MKLN1: variants seen among roughly 807,000 people sequenced by gnomAD.
MKLN1 encodes the protein muskelin 1.
A neutral mutation model predicts 99.0 loss-of-function variants in MKLN1; 18 were observed. That is an observed-to-expected ratio of 0.18 (90% CI 0.13 to 0.27). The LOEUF is 0.27. Among genes scored for constraint, MKLN1 ranks in the 10% least tolerant of loss-of-function variants. The pLI is 1.00. For missense variants in MKLN1, 621 were observed against 875.9 expected, an observed-to-expected ratio of 0.71 and a Z score of 3.67; for synonymous variants, 288 against 293.2, an observed-to-expected ratio of 0.98 and a Z score of 0.18.
At chr7:131,472,947 C>CAAAAA (rs34420594) in intron 16 of MKLN1, among the ~76,000 whole-genome samples, 3 of 81,138 alleles carry the variant, frequency 3.7e-5, no homozygotes, top group Admixed American at 1.3e-4. Context: ...GATTCCATCT[C>CAAAAA]AAAAAAAAAA....
chr7:131,293,145 T>A (rs1798246159), intron 3 of MKLN1, among the ~76,000 whole-genome samples: 1 of 152,186 alleles, frequency 6.6e-6, no homozygotes, highest in African/African-American at 2.4e-5. Context: ...AGACCCTGCC[T>A]TTTCCATGAG....
intron 3 of MKLN1, among the ~76,000 whole-genome samples, chr7:131,298,510 A>AT (rs1798328461): frequency 6.6e-6 from 1 of 152,162 alleles, no homozygotes; most frequent in Non-Finnish European, 1.5e-5. Context: ...TCCATTAGTC[A>AT]TTTCACAGCT....
chr7:131,262,303 G>A (rs575425979), intron 3 of MKLN1, among the ~76,000 whole-genome samples: 2 of 151,812 alleles, frequency 1.3e-5, no homozygotes, highest in Non-Finnish European at 2.9e-5. Flanking sequence ...TGGTCGTGGT[G>A]GCGTGCGACT....
In MKLN1 at chr7:131,152,690, G is replaced by C. The variant is rs564981025; in HGVS notation, c.-297+9749G>C. Among the ~76,000 whole-genome samples, 197 of 151,754 alleles carry C rather than the reference G, an allele frequency of 1.3e-3. 1 individual carries two copies. The highest frequency in any genetic ancestry group is 4.6e-3 in the African/African-American group (191 of 41,398). On this transcript the variant is annotated intron_variant, in intron 2 of 7. Transcript: ENST00000416992. ...AATTTTTATATTTTTAGTACAGACAGGGTTTCACCATGTTGGCCAGGGTGC... is the reference window on the plus strand; with the variant it reads ...AATTTTTATATTTTTAGTACAGACACGGTTTCACCATGTTGGCCAGGGTGC...
rs201007222 is a variant in MKLN1, at chr7:131,400,522, T to A, written c.703+1089T>A. ...AAATGCTACCAATAAAAAAAAAATA[T>A]ATATATATATATATATATGCCATTT... On this transcript the variant is annotated intron_variant, in intron 6 of 17. Transcript: ENST00000352689. 3.1e-3 allele frequency among the ~76,000 whole-genome samples: 448 copies of A among 145,148 alleles called. 1 individual carries two copies. The highest frequency in any genetic ancestry group is 0.018 in the East Asian group (90 of 4,924).
At chr7:131,333,818 A>G (rs1296534541) in intron 1 of MKLN1, among the ~76,000 whole-genome samples, 1 of 152,178 alleles carries the variant, frequency 6.6e-6, no homozygotes, top group East Asian at 1.9e-4. Flanking sequence ...GATTACAGCC[A>G]CCACACCCAG....
At chr7:131,414,496 G>A (rs966162999) in intron 7 of MKLN1, 149 bp from the exon 8 acceptor site, 33 of 487,584 alleles carry the variant, frequency 6.8e-5, no homozygotes, top group South Asian at 1.7e-4. Flanking sequence ...GAGTCATACT[G>A]TTACTTTTAT....
chr7:131,266,304 G>A (rs1039244120), intron 3 of MKLN1, among the ~76,000 whole-genome samples: 2 of 151,826 alleles, frequency 1.3e-5, no homozygotes, highest in African/African-American at 4.8e-5. Context: ...TCTTGCAATA[G>A]TTGTGGGCAA....
chr7:131,464,290 G>T lies in MKLN1; in HGVS notation c.1674-4G>T. On this transcript the variant is annotated splice_polypyrimidine_tract_variant and splice_region_variant and intron_variant, in intron 13 of 17. Coordinates refer to ENST00000352689, the MANE Select transcript of MKLN1 (RefSeq NM_013255.5). ...TAGAATGCCTTAAAAGCAATGTCTTGCAGGTCTTGTGTCTATAAGAATGAT... is the reference window on the plus strand; with the variant it reads ...TAGAATGCCTTAAAAGCAATGTCTTTCAGGTCTTGTGTCTATAAGAATGAT... 1 of 1,569,702 alleles carries T rather than the reference G, an allele frequency of 6.4e-7. No individual in the cohort carries two copies. The highest frequency in any genetic ancestry group is 8.8e-7 in the Non-Finnish European group (1 of 1,141,182).
At chr7:131,414,012 G>A (rs1794948445) in intron 7 of MKLN1, among the ~76,000 whole-genome samples, 2 of 152,096 alleles carry the variant, frequency 1.3e-5, no homozygotes, top group African/African-American at 4.8e-5. Flanking sequence ...TCCTCAGTCA[G>A]TTCTTACATA....
intron 2 of MKLN1, among the ~76,000 whole-genome samples, chr7:131,152,088 T>C (rs1795896145): frequency 6.6e-6 from 1 of 152,174 alleles, no homozygotes; most frequent in African/African-American, 2.4e-5. Flanking sequence ...TTTCAGAGGC[T>C]GGGGCAGGAG....
At chr7:131,210,569 G>A (rs1796885754) in intron 3 of MKLN1, among the ~76,000 whole-genome samples, 1 of 142,472 alleles carries the variant, frequency 7.0e-6, no homozygotes, top group South Asian at 2.4e-4. Flanking sequence ...CAGGCATGGT[G>A]GTGCACACCT....
rs190270717 is a variant in MKLN1 at position 131,471,087 on chromosome 7, C to A, written c.2031+143C>A. ...CAGTAATCTTTAAAATGTCACAGAG[C>A]AGGTGAAATAAAAATTGAATAGGCA... On this transcript the variant is annotated intron_variant, in intron 16 of 17. Coordinates refer to ENST00000352689, the MANE Select transcript of MKLN1 (RefSeq NM_013255.5). 1.3e-4 allele frequency: 73 copies of A among 582,558 alleles called. No individual in the cohort carries two copies. The Admixed American group carries it at 1.7e-3, about 14-fold the overall frequency. 36.1% of individuals were successfully genotyped at this position (582,558 alleles called of 1,614,324 possible).
At chr7:131,280,835 A>T (rs1010375477) in intron 3 of MKLN1, among the ~76,000 whole-genome samples, 1 of 151,988 alleles carries the variant, frequency 6.6e-6, no homozygotes, top group African/African-American at 2.4e-5. Context: ...TTTTTAGTAG[A>T]GACAGGGTTT....
At position 131,487,664 on chromosome 7, in the gene MKLN1, T is replaced by A. The variant is rs767899117; in HGVS notation, c.2144T>A (p.Val715Glu). Reference sequence around the variant, plus strand: ...AGAACTCAGCTCTTTGACACCTTAGTAAATTTCTTTCCTGACAGCATGACT... The same window carrying A: ...AGAACTCAGCTCTTTGACACCTTAGAAAATTTCTTTCCTGACAGCATGACT... ...AQRTQLFDTL[V>E]NFFPDSMTPP... The change falls in exon 18 of 18, where the codon GTA becomes GAA. Residue 715 changes from valine to glutamate, a missense_variant. By Grantham distance (121) the Val-to-Glu change is moderately radical. Coordinates refer to ENST00000352689, the MANE Select transcript of MKLN1 (RefSeq NM_013255.5). This position sits in a 1 kb window ranked among gnomAD's most constrained non-coding sequence, Gnocchi z 4.7. 1 of 1,613,170 alleles carries A rather than the reference T, an allele frequency of 6.2e-7. No homozygotes were observed. Among genetic ancestry groups the A allele is most frequent in the African/African-American group, 1.3e-5 (1 of 74,976 alleles).
At chr7:131,445,141 T>A (rs1182772138) in intron 11 of MKLN1, among the ~76,000 whole-genome samples, 1 of 152,174 alleles carries the variant, frequency 6.6e-6, no homozygotes, top group Non-Finnish European at 1.5e-5. Context: ...TTAAAATCAT[T>A]AGAAATACTA....
chr7:131,214,619 T>C (rs145987151), intron 3 of MKLN1, among the ~76,000 whole-genome samples: 1 of 152,310 alleles, frequency 6.6e-6, no homozygotes, highest in Non-Finnish European at 1.5e-5. Context: ...CAGCCTGTAA[T>C]CTGAAATAAT....
chr7:131,282,288 G>A (rs1798062854), intron 3 of MKLN1, among the ~76,000 whole-genome samples: 1 of 149,972 alleles, frequency 6.7e-6, no homozygotes. Context: ...GGCGGAGGTT[G>A]TGGTGAGCCG....
chr7:131,385,716 G>T (rs768991436), intron 2 of MKLN1, among the ~76,000 whole-genome samples: 1 of 151,664 alleles, frequency 6.6e-6, no homozygotes, highest in Non-Finnish European at 1.5e-5. Flanking sequence ...AAATTGGGTT[G>T]TTTGTCTTTT....
Sources: allele counts gnomAD v4.1 joint callset (sites outside exome capture counted in the v4.1 genomes callset), GRCh38; gene constraint gnomAD v4.1.1; non-coding constraint Gnocchi (gnomAD v3.1); transcripts MANE v1.5; gene names NCBI Gene and HGNC (gene_info 2026-07-23, HGNC 2026-07-21).